The following PARP14 variants were observed in gnomAD, a reference collection of about 807,000 sequenced individuals.
PARP14 encodes protein mono-ADP-ribosyltransferase PARP14.
Under a neutral mutation model 154.2 loss-of-function variants are expected in PARP14, and 59 were observed. That is an observed-to-expected ratio of 0.38 (90% confidence interval 0.31 to 0.48). The LOEUF (loss-of-function observed/expected upper bound fraction) is 0.48. Among genes scored for constraint, PARP14 ranks in the 20% least tolerant of loss-of-function variants. The probability of loss-of-function intolerance (pLI) is 0.98; values close to 1 mark genes in which losing one functional copy is unlikely to be tolerated. For synonymous variants in PARP14, 720 were observed against 780.5 expected, an observed-to-expected ratio of 0.92 and a Z score of 1.29; for missense variants, 1,734 against 2,131.6, an observed-to-expected ratio of 0.81 and a Z score of 3.67.
intron 15 of PARP14, 114 bp downstream of exon 15, chr3:122,720,502 G>A: frequency 1.1e-6 from 1 of 938,906 alleles, no homozygotes; most frequent in South Asian, 1.4e-5. Context: ...CCCAGAATTA[G>A]AATTTGTATG....
chr3:122,720,143 G>A lies in PARP14; in HGVS notation c.4808-112G>A, dbSNP rs891385468. On this transcript the variant is annotated intron_variant, in intron 14 of 16. Transcript: ENST00000474629. ...GAAAAGCGTTCTCCTAGAAAGATAAGGAACTCTTTGAATGCTTAGAATTGG... is the reference window on the plus strand; with the variant it reads ...GAAAAGCGTTCTCCTAGAAAGATAAAGAACTCTTTGAATGCTTAGAATTGG... 5 of 1,048,234 alleles carry A rather than the reference G, an allele frequency of 4.8e-6. No homozygotes were observed. The African/African-American group carries it at 7.9e-5, about 17-fold the overall frequency. The allele number at this position is 1,048,234 out of a possible 1,614,324, so 64.9% of individuals were successfully genotyped here.
At chr3:122,725,080 C>T (rs774228441) in intron 15 of PARP14, among the ~76,000 whole-genome samples, 1 of 152,206 alleles carries the variant, frequency 6.6e-6, no homozygotes, top group Non-Finnish European at 1.5e-5. Context: ...AATCTGTTCT[C>T]TCTTTTCCCC....
intron 1 of PARP14, among the ~76,000 whole-genome samples, chr3:122,683,481 A>G (rs1938278466): frequency 6.6e-6 from 1 of 152,208 alleles, no homozygotes; most frequent in Non-Finnish European, 1.5e-5. Context: ...GTGTAAATTG[A>G]CATAACATTT....
chr3:122,684,644 A>G (rs1296563147), intron 1 of PARP14, among the ~76,000 whole-genome samples: 1 of 150,830 alleles, frequency 6.6e-6, no homozygotes, highest in Non-Finnish European at 1.5e-5. Flanking sequence ...CCCTTCTTTT[A>G]TACTCCTTTT....
Position 122,701,579 on chromosome 3 carries a change from G to T in PARP14, c.3025G>T (p.Val1009Leu), listed in dbSNP as rs771709631. The T allele has an allele frequency of 6.2e-7, 1 of 1,607,722 alleles. No individual in the cohort carries two copies. Among genetic ancestry groups the T allele is most frequent in the Non-Finnish European group, 8.5e-7 (1 of 1,176,692 alleles). Residue 1009 changes from valine (V) to leucine (L), a missense_variant, in exon 6 of 17, where the codon GTG (valine) becomes TTG (leucine). Physicochemically the swap from Val to Leu is conservative, Grantham distance 32. Coordinates refer to ENST00000474629, the MANE Select transcript of PARP14 (RefSeq NM_017554.3). The surrounding 1 kb of genome is among the most constrained non-coding windows in gnomAD (Gnocchi z 4.0). ...GKTSWEKGSLVSPGGLQMLLV... is the reference protein window; with the variant it reads ...GKTSWEKGSLLSPGGLQMLLV... The stretch of plus-strand genomic sequence containing the variant: ...AACATCATGGGAAAAAGGAAGCCTG[G>T]TGTCCCCGGGAGGCCTGCAGATGCT...
chr3:122,730,645 A>G lies in PARP14; in HGVS notation c.*2048A>G, dbSNP rs953444373. On this transcript the variant is annotated 3_prime_UTR_variant, in exon 17 of 17. Coordinates refer to ENST00000474629, the MANE Select transcript of PARP14 (RefSeq NM_017554.3). ...TCATCATTGACAATAAATGTAAGAA[A>G]TTGGAATAAAAAAGAGAGACCTGCT... The G allele has an allele frequency of 2.6e-5, 4 of 152,654 alleles. No individual in the cohort carries two copies. Among genetic ancestry groups the G allele is most frequent in the Non-Finnish European group, 5.9e-5 (4 of 68,046 alleles). 9.5% of individuals were successfully genotyped at this position (152,654 alleles called of 1,614,324 possible).
chr3:122,701,406 G>A lies in PARP14; in HGVS notation c.2852G>A (p.Gly951Glu), dbSNP rs1456690761. ...GAAAACTTCCAATTCAAGAAGGATG[G>A]ACACTGCTTGAAAGAAATCTACCTT... ...IKENFQFKKD[G>E]HCLKEIYLVD... Residue 951 changes from glycine to glutamate, a missense_variant, in exon 6 of 17, where the codon GGA becomes GAA. Coordinates refer to ENST00000474629, the MANE Select transcript of PARP14 (RefSeq NM_017554.3). This position sits in a 1 kb window ranked among gnomAD's most constrained non-coding sequence, Gnocchi z 4.0. 1 of 1,613,802 alleles carries A rather than the reference G, an allele frequency of 6.2e-7. No homozygotes were observed. Among genetic ancestry groups the A allele is most frequent in the Non-Finnish European group, 8.5e-7 (1 of 1,179,676 alleles).
In PARP14 at chr3:122,700,117, G is replaced by A. The variant is rs1398683743; in HGVS notation, c.1563G>A (p.Lys521=). The part of the protein sequence containing the change: ...KGPSADVYKA[K]CEIQEKVYTM... ...CTAGTGCAGATGTGTATAAAGCAAA[G>A]TGTGAAATCCAGGAAAAGGTGTACA... Residue 521 remains lysine, a synonymous_variant, in exon 6 of 17, where the codon AAG becomes AAA. Transcript: ENST00000474629. 3.7e-6 allele frequency: 6 copies of A among 1,613,682 alleles called. No individual in the cohort carries two copies. The highest frequency in any genetic ancestry group is 1.1e-5 in the South Asian group (1 of 91,048).
Position 122,728,784 on chromosome 3 carries a change from G to A in PARP14, c.*187G>A. 1 of 565,928 alleles carries A rather than the reference G, an allele frequency of 1.8e-6. No homozygotes were observed. The highest frequency in any genetic ancestry group is 3.1e-6 in the Non-Finnish European group (1 of 319,902). 35.1% of individuals were successfully genotyped at this position (565,928 alleles called of 1,614,324 possible). On this transcript the variant is annotated 3_prime_UTR_variant, in exon 17 of 17. Coordinates refer to ENST00000474629, the MANE Select transcript of PARP14 (RefSeq NM_017554.3). ...TGGAAATGAACTTATTATCTTGAGA[G>A]CAAATAACTTGGAAAATTTAAATGA... is the stretch of plus-strand genomic sequence containing the variant.
intron 5 of PARP14, among the ~76,000 whole-genome samples, chr3:122,697,565 A>G (rs1158231940): frequency 2.0e-5 from 3 of 152,250 alleles, no homozygotes; most frequent in South Asian, 2.1e-4. Context: ...TGGGTTGCCA[A>G]TAATGAGGCA....
intron 5 of PARP14, among the ~76,000 whole-genome samples, chr3:122,697,610 AT>A (rs1349689468): frequency 6.6e-6 from 1 of 152,246 alleles, no homozygotes; most frequent in Non-Finnish European, 1.5e-5. Flanking sequence ...AAGAGAATTT[AT>A]TGTACAATAT....
In PARP14 at chr3:122,681,129, T is replaced by G; in HGVS notation, c.187+59T>G. 9.3e-7 allele frequency: 1 copy of G among 1,073,016 alleles called. No homozygotes were observed. The highest frequency in any genetic ancestry group is 1.2e-6 in the Non-Finnish European group (1 of 802,366). 66.5% of individuals were successfully genotyped at this position (1,073,016 alleles called of 1,614,324 possible). ...CACCTCTGCCCTCCCTCCAGGGAAA[T>G]GGCGGCAGGGCACGCACGGGAGGGT... On this transcript the variant is annotated intron_variant, in intron 1 of 16. Coordinates refer to ENST00000474629, the MANE Select transcript of PARP14 (RefSeq NM_017554.3). The surrounding 1 kb of genome is among the most constrained non-coding windows in gnomAD (Gnocchi z 5.5).
rs771293820 is a variant in PARP14 at position 122,701,156 on chromosome 3, A to G, written c.2602A>G (p.Lys868Glu). 1.2e-6 allele frequency: 2 copies of G among 1,613,870 alleles called. No individual in the cohort carries two copies. Among genetic ancestry groups the G allele is most frequent in the East Asian group, 4.5e-5 (2 of 44,858 alleles). Residue 868 changes from lysine (K) to glutamate (E), a missense_variant, in exon 6 of 17, where the codon AAG (lysine) becomes GAG (glutamate). By Grantham distance (56) the Lys-to-Glu change is moderately conservative (BLOSUM62 1). Coordinates refer to ENST00000474629, the MANE Select transcript of PARP14 (RefSeq NM_017554.3). This position sits in a 1 kb window ranked among gnomAD's most constrained non-coding sequence, Gnocchi z 4.0. ...CCTACCGGGCAATGCCACCATCTCC[A>G]AGGCAGGAAAGCTGCCCTACCACCA... ...RLLPGNATIS[K>E]AGKLPYHHVI...
intron 4 of PARP14, among the ~76,000 whole-genome samples, chr3:122,694,056 G>C (rs922383565): frequency 4.6e-5 from 7 of 152,186 alleles, no homozygotes; most frequent in Admixed American, 4.6e-4. Context: ...TGTGGGCACA[G>C]AGATGAATAA....
chr3:122,696,819 C>T (rs1232710852), intron 5 of PARP14, among the ~76,000 whole-genome samples: 2 of 152,186 alleles, frequency 1.3e-5, no homozygotes, highest in Non-Finnish European at 2.9e-5. Flanking sequence ...TTCCCTTTCT[C>T]CCTGATCTCT....
chr3:122,714,447 G>T lies in PARP14; in HGVS notation c.4000+18G>T, dbSNP rs745437334. 7 of 1,537,620 alleles carry T rather than the reference G, an allele frequency of 4.6e-6. No individual in the cohort carries two copies. The South Asian group carries it at 8.9e-5, about 20-fold the overall frequency. On this transcript the variant is annotated intron_variant, in intron 12 of 16. Coordinates refer to ENST00000474629, the MANE Select transcript of PARP14 (RefSeq NM_017554.3). ...TGGGACAGGTTCGTAGCCTCTGGCT[G>T]TCAAGGCTAAATCCCAAGCCATCTA...
At chr3:122,712,461 T>C (rs1482534982) in intron 9 of PARP14, among the ~76,000 whole-genome samples, 1 of 152,158 alleles carries the variant, frequency 6.6e-6, no homozygotes, top group Non-Finnish European at 1.5e-5. Context: ...TTGGACAGGC[T>C]TGTCTTGAAC....
intron 5 of PARP14, among the ~76,000 whole-genome samples, chr3:122,699,048 G>T (rs1169102148): frequency 1.3e-5 from 2 of 152,196 alleles, no homozygotes; most frequent in African/African-American, 4.8e-5. Flanking sequence ...TTTCAACATA[G>T]ATGGATCTTG....
intron 15 of PARP14, chr3:122,722,775 T>C (rs1933191863): frequency 6.6e-6 from 1 of 152,194 alleles, no homozygotes; most frequent in African/African-American, 2.4e-5. Flanking sequence ...TCTCTCCCTG[T>C]CTGTTTTTGC....
Sources: allele counts gnomAD v4.1 joint callset (sites outside exome capture counted in the v4.1 genomes callset), GRCh38; gene constraint gnomAD v4.1.1; non-coding constraint Gnocchi (gnomAD v3.1); transcripts MANE v1.5; gene names NCBI Gene and HGNC (gene_info 2026-07-23, HGNC 2026-07-21).